The following SLC44A5 variants were observed in gnomAD, a reference collection of about 807,000 sequenced individuals.
The protein encoded by SLC44A5 is solute carrier family 44 member 5, also known as choline transporter-like protein 5.
Under a neutral mutation model 101.8 loss-of-function variants are expected in SLC44A5, and 57 were observed. The ratio of observed to expected loss-of-function variants is 0.56; its 90% CI spans 0.45 to 0.70. The LOEUF (loss-of-function observed/expected upper bound fraction) is 0.70, where lower values mean the gene tolerates loss of function less well. Ranked by LOEUF, SLC44A5 falls within the 30% of genes least tolerant of loss-of-function variation. SLC44A5 has a pLI of 0.00. For synonymous variants in SLC44A5, 281 were observed against 290.9 expected (o/e 0.97, Z 0.35); for missense variants, 737 against 853.1 (o/e 0.86, Z 1.70).
chr1:75,373,865 A>T (rs778645696), intron 3 of SLC44A5, among the ~76,000 whole-genome samples: 1 of 151,972 alleles, frequency 6.6e-6, no homozygotes, highest in Non-Finnish European at 1.5e-5. Flanking sequence ...CCTACCCCCC[A>T]GGATTCAAGC....
At chr1:75,635,471 A>G in the SLC44A5 span, among the ~76,000 whole-genome samples, 2 of 152,092 alleles carry the variant, frequency 1.3e-5, no homozygotes, top group South Asian at 2.1e-4. Context: ...ATGGAATACT[A>G]TGCAGCCATA....
At chr1:75,487,391 C>T (rs1296325060) in intron 2 of SLC44A5, among the ~76,000 whole-genome samples, 3 of 152,230 alleles carry the variant, frequency 2.0e-5, no homozygotes, top group African/African-American at 7.2e-5. Context: ...TAGCTCCAGG[C>T]AGAGGAAACC....
At chr1:75,271,344 T>A (rs1232401217) in intron 6 of SLC44A5, among the ~76,000 whole-genome samples, 12 of 152,130 alleles carry the variant, frequency 7.9e-5, no homozygotes, top group Admixed American at 7.9e-4. Flanking sequence ...TTTGGTTCCA[T>A]GGATGAATTC....
intron 2 of SLC44A5, among the ~76,000 whole-genome samples, chr1:75,528,521 T>C (rs1670548151): frequency 6.6e-6 from 1 of 152,166 alleles, no homozygotes; most frequent in Admixed American, 6.5e-5. Context: ...TTATCATTTG[T>C]CAAATGCAGG....
intron 12 of SLC44A5, among the ~76,000 whole-genome samples, chr1:75,229,597 A>C (rs1351571325): frequency 6.6e-6 from 1 of 152,168 alleles, no homozygotes; most frequent in African/African-American, 2.4e-5. Flanking sequence ...CCCTCCTGCT[A>C]ATACTGCCAT....
At chr1:75,590,116 C>G (rs148788649) in intron 1 of SLC44A5, among the ~76,000 whole-genome samples, 275 of 151,992 alleles carry the variant, frequency 1.8e-3, no homozygotes, top group African/African-American at 6.1e-3. Context: ...CTGGCATCAC[C>G]CTTCCCCTAA....
At chr1:75,259,885 TAAAG>T (rs113715926) in intron 6 of SLC44A5, among the ~76,000 whole-genome samples, 1 of 152,246 alleles carries the variant, frequency 6.6e-6, no homozygotes, top group African/African-American at 2.4e-5. Context: ...TCAACATTCT[TAAAG>T]AAAAGAATTT....
chr1:75,337,410 T>G (rs559260007), intron 4 of SLC44A5, among the ~76,000 whole-genome samples: 130 of 152,286 alleles, frequency 8.5e-4, no homozygotes, highest in African/African-American at 3.0e-3. Flanking sequence ...CAAATAAAAT[T>G]TAGTTAGGTC....
chr1:75,685,325 C>A, the SLC44A5 span, among the ~76,000 whole-genome samples: 2 of 152,146 alleles, frequency 1.3e-5, no homozygotes, highest in Non-Finnish European at 1.5e-5. Context: ...GCATTTGGAT[C>A]CTCATTACTT....
intron 2 of SLC44A5, among the ~76,000 whole-genome samples, chr1:75,539,045 C>G (rs112947428): frequency 6.6e-6 from 1 of 152,170 alleles, no homozygotes; most frequent in Non-Finnish European, 1.5e-5. Flanking sequence ...CAAAGAGTAA[C>G]AGCTGTCACT....
rs961135723 is a variant in SLC44A5 at position 75,581,440 on chromosome 1, T to A, written c.-70+29600A>T. On this transcript the variant is annotated intron_variant, in intron 1 of 23. Transcript: ENST00000370859. ...GTCCACTAGGTAAAATATATAAAAA[T>A]GCCAAATAGTTAATGTCACTATTAG... is the stretch of plus-strand genomic sequence containing the variant. Among the ~76,000 whole-genome samples, 5 of 152,198 alleles carry A rather than the reference T, an allele frequency of 3.3e-5. No individual in the cohort carries two copies. In the South Asian group the frequency reaches 6.2e-4, roughly 19 times the overall value.
At chr1:75,414,383 G>C (rs532298633) in intron 2 of SLC44A5, among the ~76,000 whole-genome samples, 1 of 151,804 alleles carries the variant, frequency 6.6e-6, no homozygotes, top group East Asian at 1.9e-4. Flanking sequence ...TGTGAAGAGA[G>C]AGATGCACCA....
intron 3 of SLC44A5, among the ~76,000 whole-genome samples, chr1:75,358,960 C>A (rs534451111): frequency 1.1e-4 from 17 of 152,116 alleles, no homozygotes; most frequent in Admixed American, 3.3e-4. Flanking sequence ...ACTTTATAAC[C>A]ACTGACCAAC....
intron 3 of SLC44A5, among the ~76,000 whole-genome samples, chr1:75,376,256 G>C (rs1243362307): frequency 9.9e-5 from 15 of 152,250 alleles, no homozygotes; most frequent in Non-Finnish European, 1.9e-4. Flanking sequence ...AGCGAGGCTG[G>C]GGGAGGGGCG....
chr1:75,238,424 T>A, intron 10 of SLC44A5, 89 bp downstream of exon 10: 2 of 540,532 alleles, frequency 3.7e-6, no homozygotes, highest in Middle Eastern at 6.5e-4. Flanking sequence ...GTGATTATTT[T>A]CCTATAACCC....
chr1:75,458,440 G>A lies in SLC44A5; in HGVS notation c.14-61819C>T, dbSNP rs1047172377. 3.3e-5 allele frequency among the ~76,000 whole-genome samples: 5 copies of A among 152,156 alleles called. No individual in the cohort carries two copies. The East Asian group carries it at 5.8e-4, about 18-fold the overall frequency. The stretch of plus-strand genomic sequence containing the variant: ...AGTTTCAATTAGGAAAAAACATACA[G>A]TTTAGGCTGATCACTCATGATAGGT... On this transcript the variant is annotated intron_variant, in intron 2 of 23. Coordinates refer to ENST00000370859, the MANE Select transcript of SLC44A5 (RefSeq NM_001130058.2).
chr1:75,705,927 C>T, the SLC44A5 span, among the ~76,000 whole-genome samples: 32,991 of 152,172 alleles, frequency 0.22, 4,524 homozygotes, highest in Middle Eastern at 0.36. Flanking sequence ...ATCCTCCTGC[C>T]TTGGCCTCCC....
At chr1:75,419,932 G>C (rs1293853330) in intron 2 of SLC44A5, among the ~76,000 whole-genome samples, 1 of 152,084 alleles carries the variant, frequency 6.6e-6, no homozygotes, top group Non-Finnish European at 1.5e-5. Flanking sequence ...AGCAACCATT[G>C]CTATGGTGTG....
the SLC44A5 span, among the ~76,000 whole-genome samples, chr1:75,642,753 AG>A: frequency 1.3e-5 from 2 of 152,120 alleles, no homozygotes; most frequent in Non-Finnish European, 2.9e-5. Flanking sequence ...TTGGTTGCAA[AG>A]TCTCAAGAGG....
Sources: gnomAD v4.1 joint callset for allele counts (sites outside exome capture counted in the v4.1 genomes callset) on GRCh38, gnomAD v4.1.1 for gene constraint, MANE v1.5 for transcripts, NCBI Gene and HGNC (gene_info 2026-07-23, HGNC 2026-07-21) for gene names.